Variants in SH3TC2 observed in about 807,000 individuals in gnomAD.
The protein encoded by SH3TC2 is SH3 domain and tetratricopeptide repeat-containing protein 2.
In SH3TC2, 87 loss-of-function variants were observed where a neutral mutation model predicts 124.5. The ratio of observed to expected loss-of-function variants is 0.70; its 90% CI spans 0.59 to 0.84. SH3TC2 has a LOEUF of 0.84. Among genes scored for constraint, SH3TC2 ranks in the 40% least tolerant of loss-of-function variants. The pLI is 0.00. For missense variants in SH3TC2, 1,536 were observed against 1,566.4 expected (o/e 0.98, Z 0.33); for synonymous variants, 634 against 628.5 (o/e 1.01, Z -0.13).
intron 4 of SH3TC2, 31 bp from the exon 5 acceptor site, chr5:149,042,868 C>T (rs528085532): frequency 6.2e-7 from 1 of 1,613,392 alleles, no homozygotes; most frequent in Non-Finnish European, 8.5e-7. Context: ...GATTTCTGAA[C>T]AAAATGATTT....
chr5:149,030,495 G>T (rs1480142899), intron 9 of SH3TC2, among the ~76,000 whole-genome samples: 1 of 152,232 alleles, frequency 6.6e-6, no homozygotes, highest in African/African-American at 2.4e-5. Flanking sequence ...AAGGAACACT[G>T]CTAGTACACC....
At chr5:149,058,694 T>C (rs1370914746) in intron 1 of SH3TC2, among the ~76,000 whole-genome samples, 1 of 151,904 alleles carries the variant, frequency 6.6e-6, no homozygotes, top group Non-Finnish European at 1.5e-5. Context: ...TGTACATACA[T>C]GGGATGCTAG....
chr5:148,994,925 A>G lies in SH3TC2; in HGVS notation c.*9786T>C, dbSNP rs1753485513. 6.6e-6 allele frequency among the ~76,000 whole-genome samples: 1 copy of G among 152,220 alleles called. No individual in the cohort carries two copies. The highest frequency in any genetic ancestry group is 2.4e-5 in the African/African-American group (1 of 41,470). The stretch of plus-strand genomic sequence containing the variant: ...CCACATCCCACAATACCATGAACTT[A>G]TGATTTCCCAAGGAAAGAGACTTGG... On this transcript the variant is annotated 3_prime_UTR_variant, in exon 17 of 17. Coordinates refer to ENST00000515425, the MANE Select transcript of SH3TC2 (RefSeq NM_024577.4).
intron 1 of SH3TC2, among the ~76,000 whole-genome samples, chr5:149,061,496 A>G (rs1218415699): frequency 6.6e-6 from 1 of 152,248 alleles, no homozygotes; most frequent in Non-Finnish European, 1.5e-5. Flanking sequence ...CTAACTGTGC[A>G]CCAGACTGTT....
At chr5:149,010,004 G>A (rs1318007824) in intron 14 of SH3TC2, among the ~76,000 whole-genome samples, 1 of 152,070 alleles carries the variant, frequency 6.6e-6, no homozygotes, top group African/African-American at 2.4e-5. Context: ...AGTCTGAGAT[G>A]GTCTTGATCT....
intron 8 of SH3TC2, among the ~76,000 whole-genome samples, chr5:149,033,993 T>C (rs1754241809): frequency 1.3e-5 from 2 of 152,272 alleles, no homozygotes; most frequent in South Asian, 4.1e-4. Context: ...AAATGAACTA[T>C]TCACAACGAG....
intron 14 of SH3TC2, 83 bp from the exon 15 acceptor site, chr5:149,009,084 C>T (rs942248682): frequency 6.3e-7 from 1 of 1,582,148 alleles, no homozygotes; most frequent in Non-Finnish European, 8.7e-7. Context: ...CTTCTACAGG[C>T]AGGGGTTGGG....
intron 13 of SH3TC2, among the ~76,000 whole-genome samples, chr5:149,011,638 A>C (rs1753784613): frequency 6.6e-6 from 1 of 152,218 alleles, no homozygotes; most frequent in Non-Finnish European, 1.5e-5. Context: ...TACGTCATGC[A>C]AGTGAAGTGT....
Position 148,992,701 on chromosome 5 carries a change from G to T in SH3TC2, c.*12010C>A, listed in dbSNP as rs1221405889. On this transcript the variant is annotated 3_prime_UTR_variant, in exon 17 of 17. Transcript: ENST00000515425. ...AAACTGAGACCTCAGGTGGGAGATGGACTTGTCCCAGTATACACAAGGAGT... is the reference window on the plus strand; with the variant it reads ...AAACTGAGACCTCAGGTGGGAGATGTACTTGTCCCAGTATACACAAGGAGT... Among the ~76,000 whole-genome samples, 3 of 147,756 alleles carry T rather than the reference G, an allele frequency of 2.0e-5. No homozygotes were observed. The highest frequency in any genetic ancestry group is 7.5e-5 in the African/African-American group (3 of 40,136).
At chr5:149,007,397 C>G (rs1452322072) in intron 15 of SH3TC2, 1 of 579,932 alleles carries the variant, frequency 1.7e-6, no homozygotes, top group Non-Finnish European at 3.1e-6. Flanking sequence ...AAAATTTTCT[C>G]CTTATTGCAG....
chr5:149,051,069 G>T (rs1754547962), intron 2 of SH3TC2, among the ~76,000 whole-genome samples: 1 of 152,128 alleles, frequency 6.6e-6, no homozygotes, highest in Non-Finnish European at 1.5e-5. Context: ...CCTCTAAAAT[G>T]GTCCCATCTA....
Position 149,063,057 on chromosome 5 carries a change from G to T in SH3TC2, c.-35C>A, listed in dbSNP as rs1259467385. ...ATCCTACCCTGGCCGAGGCCCTTGGGAACACAGGCCAGAAGAGTGCTGCAA... is the reference window on the plus strand; with the variant it reads ...ATCCTACCCTGGCCGAGGCCCTTGGTAACACAGGCCAGAAGAGTGCTGCAA... On this transcript the variant is annotated 5_prime_UTR_variant, in exon 1 of 17. Coordinates refer to ENST00000515425, the MANE Select transcript of SH3TC2 (RefSeq NM_024577.4). The T allele has an allele frequency of 2.5e-6, 4 of 1,576,662 alleles. 1 individual carries two copies. The South Asian group carries it at 3.5e-5, about 14-fold the overall frequency.
Position 149,009,012 on chromosome 5 carries a change from A to G in SH3TC2, c.3328-11T>C, listed in dbSNP as rs750986794. On this transcript the variant is annotated splice_polypyrimidine_tract_variant and intron_variant, in intron 14 of 16. Coordinates refer to ENST00000515425, the MANE Select transcript of SH3TC2 (RefSeq NM_024577.4). ...AGGAACAGCTCCAGCCTAGGAACAG[A>G]AGCCCAAGGAACCTTAGTCTAGCTA... The G allele has an allele frequency of 6.2e-7, 1 of 1,614,192 alleles. No homozygotes were observed. The highest frequency in any genetic ancestry group is 8.5e-7 in the Non-Finnish European group (1 of 1,180,022).
At chr5:149,046,758 C>T (rs916717562) in intron 3 of SH3TC2, 1 of 152,088 alleles carries the variant, frequency 6.6e-6, no homozygotes, top group Non-Finnish European at 1.5e-5. Context: ...CCAAATGAGA[C>T]TCAAAATAAA....
intron 13 of SH3TC2, 138 bp downstream of exon 13, chr5:149,012,446 C>G: frequency 8.8e-7 from 1 of 1,136,266 alleles, no homozygotes. Flanking sequence ...CAGGGAGCAG[C>G]CCAGTGTTGA....
At chr5:149,057,418 C>A (rs1379667582) in intron 1 of SH3TC2, 6 of 151,772 alleles carry the variant, frequency 4.0e-5, no homozygotes, top group Non-Finnish European at 8.8e-5. Context: ...TTTTCTTCAA[C>A]TTTTATTTTA....
In SH3TC2 at chr5:149,004,589, C is replaced by A. The variant is rs114151926; in HGVS notation, c.*122G>T. Reference sequence around the variant, plus strand: ...TCTCCTCCTGGACTTCATTCTTCTTCTTGTGAAATGAGGGGGCTAGGCCAG... The same window carrying A: ...TCTCCTCCTGGACTTCATTCTTCTTATTGTGAAATGAGGGGGCTAGGCCAG... On this transcript the variant is annotated 3_prime_UTR_variant, in exon 17 of 17. Coordinates refer to ENST00000515425, the MANE Select transcript of SH3TC2 (RefSeq NM_024577.4). The A allele has an allele frequency of 1.9e-3, 1,948 of 1,019,074 alleles. 32 individuals carry two copies. The African/African-American group carries it at 0.029, about 15-fold the overall frequency. The allele number at this position is 1,019,074 out of a possible 1,614,324, so 63.1% of individuals were successfully genotyped here.
At position 149,044,557 on chromosome 5, in the gene SH3TC2, T is replaced by C. The variant is rs1352246111; in HGVS notation, c.361A>G (p.Lys121Glu). The C allele has an allele frequency of 1.9e-6, 3 of 1,613,834 alleles. No homozygotes were observed. The highest frequency in any genetic ancestry group is 2.5e-6 in the Non-Finnish European group (3 of 1,179,912). Residue 121 changes from lysine to glutamate, a missense_variant, in exon 4 of 17, where the codon AAG becomes GAG. Lys to Glu is a moderately conservative substitution (Grantham distance 56). Coordinates refer to ENST00000515425, the MANE Select transcript of SH3TC2 (RefSeq NM_024577.4). ...ITFKTMEEIWKFSTYLNLGYV... is the reference protein window; with the variant it reads ...ITFKTMEEIWEFSTYLNLGYV... The stretch of plus-strand genomic sequence containing the variant: ...CCTAAATTAAGGTAGGTGGAGAACT[T>C]CCAGATTTCCTCCATGGTCTTGAAG...
At position 149,040,601 on chromosome 5, in the gene SH3TC2, T is replaced by C; in HGVS notation, c.805+3A>G. 1.2e-6 allele frequency: 2 copies of C among 1,613,430 alleles called. No homozygotes were observed. The highest frequency in any genetic ancestry group is 3.3e-5 in the Admixed American group (2 of 60,014). On this transcript the variant is annotated splice_donor_region_variant and intron_variant, in intron 7 of 16. Transcript: ENST00000515425. ...CAATACTATGTTTTTGACTCAGCCA[T>C]ACCAATCTGATAGGAGCCTGTCCAA...
Sources: allele counts gnomAD v4.1 joint callset (sites outside exome capture counted in the v4.1 genomes callset), GRCh38; gene constraint gnomAD v4.1.1; transcripts MANE v1.5; gene names NCBI Gene and HGNC (gene_info 2026-07-23, HGNC 2026-07-21).